Variants in HSH2D observed in about 807,000 individuals in gnomAD.
The protein encoded by HSH2D is hematopoietic SH2 domain containing, also known as hematopoietic SH2 domain-containing protein.
HSH2D carries 16 observed loss-of-function variants against 21.5 expected under a neutral mutation model. That is an observed-to-expected ratio of 0.74 (90% confidence interval 0.50 to 1.13). HSH2D has a LOEUF of 1.13. Among genes scored for constraint, HSH2D ranks in the 50% most tolerant of loss-of-function variants. The pLI is 0.00. For synonymous variants in HSH2D, 172 were observed against 184.7 expected, an observed-to-expected ratio of 0.93 and a Z score of 0.56; for missense variants, 418 against 441.4, an observed-to-expected ratio of 0.95 and a Z score of 0.47.
chr19:16,142,662 C>T (rs2091011352), upstream of HSH2D, among the ~76,000 whole-genome samples: 1 of 152,064 alleles, frequency 6.6e-6, no homozygotes, highest in Non-Finnish European at 1.5e-5. Context: ...GGGATTTCTC[C>T]ATGTTGGTCA....
chr19:16,153,683 G>C (rs1160738688), intron 4 of HSH2D, among the ~76,000 whole-genome samples: 1 of 150,646 alleles, frequency 6.6e-6, no homozygotes, highest in Admixed American at 6.6e-5. Context: ...GGTGGGCGTG[G>C]CCTGGCTCCC....
rs536729149 is a variant in HSH2D, at chr19:16,157,508, C to T, written c.773C>T (p.Pro258Leu). 1.4e-5 allele frequency: 22 copies of T among 1,613,910 alleles called. No individual in the cohort carries two copies. In the South Asian group the frequency reaches 2.4e-4, roughly 18 times the overall value. ...GKGSQDHSGDPTSGDRGYTDP... is the reference protein window; with the variant it reads ...GKGSQDHSGDLTSGDRGYTDP... ...GGCAGCCAAGATCACTCAGGGGATC[C>T]CACCTCGGGGGACAGAGGCTACACG... The change falls in exon 6 of 6, where the codon CCC (proline) becomes CTC (leucine). Residue 258 changes from proline (P) to leucine (L), a missense_variant. By Grantham distance (98) the Pro-to-Leu change is moderately conservative. Coordinates refer to ENST00000613986, the MANE Select transcript of HSH2D (RefSeq NM_001382417.1). The surrounding 1 kb of genome is among the most constrained non-coding windows in gnomAD (Gnocchi z 4.4).
rs190533218 is a variant in HSH2D at position 16,144,841 on chromosome 19, C to T, written c.-28+1067C>T. Among the ~76,000 whole-genome samples, 193 of 141,064 alleles carry T rather than the reference C, an allele frequency of 1.4e-3. 4 individuals are homozygous for T. In the East Asian group the frequency reaches 0.037, roughly 27 times the overall value. The allele number at this position is 141,064 out of a possible 152,430, so 92.5% of individuals were successfully genotyped here. On this transcript the variant is annotated intron_variant, in intron 1 of 5. Coordinates refer to ENST00000613986, the MANE Select transcript of HSH2D (RefSeq NM_001382417.1). The stretch of plus-strand genomic sequence containing the variant: ...CCAAGTAGCTGAGACTACAGGCGCC[C>T]GCCACCACACCCAGCTAATTTTTCG...
Position 16,152,603 on chromosome 19 carries a change from G to A in HSH2D, c.177G>A (p.Arg59=). Residue 59 remains arginine (R), a synonymous_variant, in exon 3 of 6, where the codon AGG becomes AGA. Coordinates refer to ENST00000613986, the MANE Select transcript of HSH2D (RefSeq NM_001382417.1). ...AGCCACTGGGATCCTTTCTCATCAG[G>A]GTCAGTCACAGCCATGTGGGCTACA... ...ESQPLGSFLI[R]VSHSHVGYTL... 2.0e-6 allele frequency: 3 copies of A among 1,517,302 alleles called. No homozygotes were observed. Among genetic ancestry groups the A allele is most frequent in the Non-Finnish European group, 2.6e-6 (3 of 1,135,448 alleles). 94.0% of individuals were successfully genotyped at this position (1,517,302 alleles called of 1,614,324 possible).
intron 2 of HSH2D, among the ~76,000 whole-genome samples, chr19:16,150,225 C>T (rs2091130104): frequency 6.6e-6 from 1 of 151,646 alleles, no homozygotes; most frequent in African/African-American, 2.4e-5. Flanking sequence ...GCCTGGACAA[C>T]ATAGTGAGAC....
intron 2 of HSH2D, chr19:16,151,708 C>A (rs952100807): frequency 2.7e-6 from 1 of 374,606 alleles, no homozygotes. Flanking sequence ...CAGACGCCTC[C>A]TAGCTCCTCG....
rs2091261168 is a variant in HSH2D, at chr19:16,158,071, G to A, written c.*277G>A. 5.5e-6 allele frequency: 2 copies of A among 364,048 alleles called. No individual in the cohort carries two copies. The highest frequency in any genetic ancestry group is 9.9e-6 in the Non-Finnish European group (2 of 202,202). 22.6% of individuals were successfully genotyped at this position (364,048 alleles called of 1,614,324 possible). On this transcript the variant is annotated 3_prime_UTR_variant, in exon 6 of 6. Coordinates refer to ENST00000613986, the MANE Select transcript of HSH2D (RefSeq NM_001382417.1). ...TCTATTCATTATTTTACGCCTCAGA[G>A]CAAGGCCCTCAGGGAGGGTCATCCT...
chr19:16,158,016 C>T lies in HSH2D; in HGVS notation c.*222C>T, dbSNP rs1190644196. On this transcript the variant is annotated 3_prime_UTR_variant, in exon 6 of 6. Coordinates refer to ENST00000613986, the MANE Select transcript of HSH2D (RefSeq NM_001382417.1). ...GAGTGACGCTGATGGTTTGGGGCACCAGCTATACATCAGCCCCAGTGCCAG... is the reference window on the plus strand; with the variant it reads ...GAGTGACGCTGATGGTTTGGGGCACTAGCTATACATCAGCCCCAGTGCCAG... The T allele has an allele frequency of 9.6e-6, 5 of 518,292 alleles. No individual in the cohort carries two copies. The highest frequency in any genetic ancestry group is 1.4e-5 in the Non-Finnish European group (4 of 294,126). 32.1% of individuals were successfully genotyped at this position (518,292 alleles called of 1,614,324 possible).
chr19:16,137,316 CATT>C (rs985977960), intron 1 of HSH2D, among the ~76,000 whole-genome samples: 3 of 152,180 alleles, frequency 2.0e-5, no homozygotes, highest in Admixed American at 6.5e-5. Flanking sequence ...TCATCATCAT[CATT>C]ATCATTATTT....
chr19:16,154,320 C>A (rs146762769), intron 4 of HSH2D, 79 bp from the exon 5 acceptor site: 1 of 937,226 alleles, frequency 1.1e-6, no homozygotes, highest in African/African-American at 1.7e-5. Flanking sequence ...GGGATGGTCC[C>A]TGAGACCTGC....
chr19:16,136,408 G>T (rs576275494), intron 1 of HSH2D, among the ~76,000 whole-genome samples: 1 of 152,110 alleles, frequency 6.6e-6, no homozygotes. Flanking sequence ...AGCTGCCTGG[G>T]CCCGAATCCC....
upstream of HSH2D, among the ~76,000 whole-genome samples, chr19:16,139,110 G>A (rs138188218): frequency 0.019 from 2,884 of 152,220 alleles, 37 homozygotes; most frequent in Non-Finnish European, 0.029. Flanking sequence ...TGCCCACCTC[G>A]GCCTCCCGAA....
chr19:16,151,943 T>TAA (rs35017472), intron 2 of HSH2D, among the ~76,000 whole-genome samples: 9 of 109,562 alleles, frequency 8.2e-5, no homozygotes, highest in Middle Eastern at 4.7e-3. Flanking sequence ...CTGTCTCTAC[T>TAA]AAAAAAAAAA....
At position 16,157,373 on chromosome 19, in the gene HSH2D, G is replaced by A; in HGVS notation, c.638G>A (p.Arg213Lys). The change falls in exon 6 of 6, where the codon AGA (arginine) becomes AAA (lysine). Residue 213 changes from arginine (R) to lysine (K), a missense_variant. By Grantham distance (26) the Arg-to-Lys change is conservative. Coordinates refer to ENST00000613986, the MANE Select transcript of HSH2D (RefSeq NM_001382417.1). This position sits in a 1 kb window ranked among gnomAD's most constrained non-coding sequence, Gnocchi z 4.4. ...LWRSLKMLPE[R>K]GQRVRQQLKS... is the part of the protein sequence containing the mutation. ...AGGAGCCTCAAAATGCTCCCCGAGA[G>A]AGGCCAGAGGGTCCGGCAGCAGCTA... is the stretch of plus-strand genomic sequence containing the variant. 1 of 1,613,948 alleles carries A rather than the reference G, an allele frequency of 6.2e-7. No individual in the cohort carries two copies. The highest frequency in any genetic ancestry group is 1.1e-5 in the South Asian group (1 of 91,072).
chr19:16,143,678 C>T (rs1364769899), upstream of HSH2D: 13 of 437,938 alleles, frequency 3.0e-5, no homozygotes, highest in East Asian at 6.0e-4. Context: ...GCAGCCAGCC[C>T]CGCCCCATTG....
At chr19:16,145,158 C>A (rs1321345114) in intron 1 of HSH2D, among the ~76,000 whole-genome samples, 2 of 151,742 alleles carry the variant, frequency 1.3e-5, no homozygotes, top group Admixed American at 1.3e-4. Context: ...CCTGCCTCAG[C>A]CTCCTGAGTA....
At chr19:16,149,297 G>A (rs987301919) in intron 2 of HSH2D, among the ~76,000 whole-genome samples, 6 of 152,156 alleles carry the variant, frequency 3.9e-5, no homozygotes, top group Non-Finnish European at 5.9e-5. Flanking sequence ...CTGCCTCCCG[G>A]ACTCAAGTGA....
At chr19:16,147,469 G>C (rs2091087005) in intron 1 of HSH2D, among the ~76,000 whole-genome samples, 1 of 145,258 alleles carries the variant, frequency 6.9e-6, no homozygotes, top group South Asian at 2.2e-4. Flanking sequence ...GGGTGACAGA[G>C]TGAGACCCTG....
rs749216795 is a variant in HSH2D, at chr19:16,148,872, G to A, written c.122G>A (p.Arg41Lys). The A allele has an allele frequency of 1.9e-6, 3 of 1,611,908 alleles. No individual in the cohort carries two copies. Among genetic ancestry groups the A allele is most frequent in the Non-Finnish European group, 2.5e-6 (3 of 1,178,814 alleles). ...VPEWFHGAIS[R>K]EDAENLLESQ... ...GAGTGGTTCCATGGTGCAATCTCAA[G>A]AGAGTGAGGACACACCCACACCCTC... The change falls in exon 2 of 6, where the codon AGA becomes AAA. Residue 41 changes from arginine to lysine, a missense_variant. Transcript: ENST00000613986.
Sources: allele counts gnomAD v4.1 joint callset (sites outside exome capture counted in the v4.1 genomes callset), GRCh38; gene constraint gnomAD v4.1.1; non-coding constraint Gnocchi (gnomAD v3.1); transcripts MANE v1.5; gene names NCBI Gene and HGNC (gene_info 2026-07-23, HGNC 2026-07-21).